PRR16: variants seen among roughly 807,000 people sequenced by gnomAD.
The protein encoded by PRR16 is proline rich 16, also known as protein Largen.
PRR16 carries 6 observed loss-of-function variants against 18.2 expected under a neutral mutation model. The ratio of observed to expected loss-of-function variants is 0.33; its 90% CI spans 0.18 to 0.65. The LOEUF is 0.65. PRR16 is among the 30% of genes least tolerant of loss of function. PRR16 has a pLI of 0.74. For missense variants in PRR16, 412 were observed against 376.6 expected, an observed-to-expected ratio of 1.09 and a Z score of -0.78; for synonymous variants, 151 against 147.8, an observed-to-expected ratio of 1.02 and a Z score of -0.16.
At chr5:120,550,418 T>C (rs1241861483) in intron 1 of PRR16, among the ~76,000 whole-genome samples, 2 of 151,962 alleles carry the variant, frequency 1.3e-5, no homozygotes, top group Non-Finnish European at 2.9e-5. Context: ...CATTCCTGAG[T>C]TCAGTGGTGA....
the PRR16 span, among the ~76,000 whole-genome samples, chr5:120,791,325 G>T: frequency 1.3e-5 from 2 of 151,928 alleles, no homozygotes; most frequent in Non-Finnish European, 2.9e-5. Flanking sequence ...TCTAAGCTCT[G>T]AAAAACATGG....
At chr5:120,785,012 A>G in the PRR16 span, among the ~76,000 whole-genome samples, 1 of 152,230 alleles carries the variant, frequency 6.6e-6, no homozygotes, top group South Asian at 2.1e-4. Flanking sequence ...AACCAGTAAC[A>G]TTTTGATAAG....
At chr5:120,523,094 T>C (rs1253564888) in intron 1 of PRR16, among the ~76,000 whole-genome samples, 1 of 151,146 alleles carries the variant, frequency 6.6e-6, no homozygotes, top group East Asian at 1.9e-4. Flanking sequence ...CTAAATTAAC[T>C]TCAAAAGAGT....
chr5:120,645,470 T>C lies in PRR16; in HGVS notation c.160-40484T>C, dbSNP rs1403794370. 2.1e-5 allele frequency among the ~76,000 whole-genome samples: 3 copies of C among 145,646 alleles called. No homozygotes were observed. The East Asian group carries it at 6.3e-4, about 31-fold the overall frequency. On this transcript the variant is annotated intron_variant, in intron 1 of 1. Coordinates refer to ENST00000407149, the MANE Select transcript of PRR16 (RefSeq NM_001300783.2). The stretch of plus-strand genomic sequence containing the variant: ...GTGCAACTTCAATTTTCCCAACTAC[T>C]ATTTTTGATCAGCTATTAGGGGCAA...
the PRR16 span, among the ~76,000 whole-genome samples, chr5:120,727,008 C>G: frequency 1.3e-5 from 2 of 151,926 alleles, no homozygotes; most frequent in Non-Finnish European, 2.9e-5. Flanking sequence ...AGTGAAATCC[C>G]CTTTCAGCCC....
intron 1 of PRR16, among the ~76,000 whole-genome samples, chr5:120,550,529 G>A (rs994903470): frequency 3.9e-5 from 6 of 151,976 alleles, no homozygotes; most frequent in Admixed American, 6.6e-5. Context: ...GATTAAGACC[G>A]ACAGAAATGA....
the PRR16 span, among the ~76,000 whole-genome samples, chr5:120,768,311 T>C: frequency 7.9e-5 from 12 of 151,892 alleles, no homozygotes; most frequent in Admixed American, 5.3e-4. Context: ...CAGTGCTAGC[T>C]ATTGTAATTT....
intron 1 of PRR16, among the ~76,000 whole-genome samples, chr5:120,471,148 A>G (rs1278580671): frequency 6.6e-6 from 1 of 151,714 alleles, no homozygotes; most frequent in Non-Finnish European, 1.5e-5. Flanking sequence ...AGGTTGCAGA[A>G]AACAGTATTG....
At chr5:120,616,670 C>T (rs1193030490) in intron 1 of PRR16, among the ~76,000 whole-genome samples, 1 of 152,100 alleles carries the variant, frequency 6.6e-6, no homozygotes, top group Non-Finnish European at 1.5e-5. Context: ...TGATGACTGT[C>T]CTTAGAGCTG....
At chr5:120,568,626 A>G (rs568465289) in intron 1 of PRR16, among the ~76,000 whole-genome samples, 117 of 152,288 alleles carry the variant, frequency 7.7e-4, no homozygotes, top group African/African-American at 2.5e-3. Context: ...TGTCTATATT[A>G]TATACCATAG....
intron 1 of PRR16, among the ~76,000 whole-genome samples, chr5:120,670,081 T>C (rs922074497): frequency 2.6e-5 from 4 of 152,158 alleles, no homozygotes; most frequent in Admixed American, 2.0e-4. Context: ...AATTTTATAT[T>C]TGGACATGTG....
intron 1 of PRR16, among the ~76,000 whole-genome samples, chr5:120,501,654 C>T (rs905322218): frequency 6.6e-6 from 1 of 151,974 alleles, no homozygotes; most frequent in African/African-American, 2.4e-5. Context: ...AAAATGAACA[C>T]ATAATGTAGT....
intron 1 of PRR16, among the ~76,000 whole-genome samples, chr5:120,488,811 C>T (rs1191791242): frequency 6.6e-6 from 1 of 152,134 alleles, no homozygotes; most frequent in African/African-American, 2.4e-5. Context: ...CCTCTACACA[C>T]TGCTTTGAAT....
chr5:120,503,002 A>G (rs1750516588), intron 1 of PRR16, among the ~76,000 whole-genome samples: 1 of 152,176 alleles, frequency 6.6e-6, no homozygotes, highest in African/African-American at 2.4e-5. Flanking sequence ...TCTGTTCGCA[A>G]TTCCATGTTA....
intron 1 of PRR16, among the ~76,000 whole-genome samples, chr5:120,529,362 G>A (rs1054956297): frequency 6.6e-6 from 1 of 152,056 alleles, no homozygotes; most frequent in African/African-American, 2.4e-5. Context: ...TTCTGATAGT[G>A]TTCAACAATG....
chr5:120,493,009 T>C (rs1246754659), intron 1 of PRR16, among the ~76,000 whole-genome samples: 1 of 152,254 alleles, frequency 6.6e-6, no homozygotes, highest in Non-Finnish European at 1.5e-5. Context: ...TTAATTGTGC[T>C]GCTATAAATG....
At chr5:120,502,844 C>A (rs1053385880) in intron 1 of PRR16, among the ~76,000 whole-genome samples, 2 of 152,052 alleles carry the variant, frequency 1.3e-5, no homozygotes, top group African/African-American at 4.8e-5. Context: ...GCTGTTGCGT[C>A]CCAAAAAATA....
intron 1 of PRR16, among the ~76,000 whole-genome samples, chr5:120,479,267 G>T (rs1749536293): frequency 6.6e-6 from 1 of 152,074 alleles, no homozygotes; most frequent in African/African-American, 2.4e-5. Context: ...GTCATGCGAG[G>T]CCTTTTCATA....
chr5:120,590,374 T>A (rs2112772598), intron 1 of PRR16, among the ~76,000 whole-genome samples: 1 of 152,226 alleles, frequency 6.6e-6, no homozygotes, highest in East Asian at 1.9e-4. Context: ...GTGAGCAAAT[T>A]TGGGGGAAGT....
Sources: gnomAD v4.1 joint callset for allele counts (sites outside exome capture counted in the v4.1 genomes callset) on GRCh38, gnomAD v4.1.1 for gene constraint, MANE v1.5 for transcripts, NCBI Gene and HGNC (gene_info 2026-07-23, HGNC 2026-07-21) for gene names.